Variants in LYAR observed in about 807,000 individuals in gnomAD.
The protein encoded by LYAR is Ly1 antibody reactive.
LYAR carries 37 observed loss-of-function variants against 45.2 expected under a neutral mutation model. The observed-to-expected ratio is 0.82, with a 90% CI of 0.63 to 1.08. The LOEUF (loss-of-function observed/expected upper bound fraction) is 1.08, where lower values mean the gene tolerates loss of function less well. LYAR is among the 50% of genes least tolerant of loss of function. The probability of loss-of-function intolerance (pLI) is 0.00; values close to 1 mark genes in which losing one functional copy is unlikely to be tolerated. For missense variants in LYAR, 493 were observed against 451.0 expected, an observed-to-expected ratio of 1.09 and a Z score of -0.84; for synonymous variants, 176 against 155.1, an observed-to-expected ratio of 1.14 and a Z score of -1.00.
chr4:4,274,846 C>T, intron 6 of LYAR, 77 bp from the exon 7 acceptor site: 3 of 1,383,702 alleles, frequency 2.2e-6, no homozygotes, highest in Non-Finnish European at 3.0e-6. Flanking sequence ...TTGCCTGGGC[C>T]TACTACATAA....
At chr4:4,271,644 C>T (rs1283034457) in intron 8 of LYAR, among the ~76,000 whole-genome samples, 2 of 152,186 alleles carry the variant, frequency 1.3e-5, no homozygotes, top group Admixed American at 6.6e-5. Flanking sequence ...AGTGCACCAG[C>T]GTTCCTTTTT....
Position 4,267,996 on chromosome 4 carries a change from C to T in LYAR, c.1033G>A (p.Asp345Asn). ...KVLAQYYTVT[D>N]EHHRSEEELL... Reference sequence around the variant, plus strand: ...TCCTCTTCGGATCTGTGATGCTCATCTGTCACTGTGTAGTACTGAGCTAAA... The same window carrying T: ...TCCTCTTCGGATCTGTGATGCTCATTTGTCACTGTGTAGTACTGAGCTAAA... The change falls in exon 10 of 10, where the codon GAT becomes AAT. Residue 345 changes from aspartate (D) to asparagine (N), a missense_variant. By Grantham distance (23) the Asp-to-Asn change is conservative. Transcript: ENST00000343470. 6.2e-7 allele frequency: 1 copy of T among 1,611,970 alleles called. No homozygotes were observed. Among genetic ancestry groups the T allele is most frequent in the South Asian group, 1.1e-5 (1 of 90,992 alleles).
intron 3 of LYAR, among the ~76,000 whole-genome samples, chr4:4,283,038 C>G (rs1176008204): frequency 1.3e-5 from 2 of 152,194 alleles, no homozygotes; most frequent in Non-Finnish European, 2.9e-5. Context: ...TAAACAGTGG[C>G]AATGCAATAG....
At chr4:4,283,594 G>T in intron 3 of LYAR, 27 bp downstream of exon 3, 4 of 1,600,078 alleles carry the variant, frequency 2.5e-6, no homozygotes, top group Non-Finnish European at 2.6e-6. Context: ...ATTTACTATG[G>T]ATCTACATGA....
chr4:4,277,442 A>G (rs1719227914), intron 6 of LYAR, among the ~76,000 whole-genome samples: 1 of 152,158 alleles, frequency 6.6e-6, no homozygotes, highest in African/African-American at 2.4e-5. Flanking sequence ...CTCTTTGTCT[A>G]AACCAACTCC....
In LYAR at chr4:4,279,488, G is replaced by C; in HGVS notation, c.388C>G (p.Leu130Val). 6.2e-7 allele frequency: 1 copy of C among 1,613,154 alleles called. No homozygotes were observed. The highest frequency in any genetic ancestry group is 2.2e-5 in the East Asian group (1 of 44,878). The change falls in exon 6 of 10, where the codon CTG becomes GTG. Residue 130 changes from leucine to valine, a missense_variant. Transcript: ENST00000343470. ...GAAAAGATATTCCACACCTGGTCCA[G>C]AATGGATTCATTATGAACTTTTAAA... ...NSLKVHNESI[L>V]DQVWNIFSEA...
intron 7 of LYAR, 152 bp downstream of exon 7, chr4:4,274,215 C>T (rs544216012): frequency 1.9e-5 from 17 of 872,418 alleles, no homozygotes; most frequent in East Asian, 2.5e-5. Context: ...CCAGCCTGGG[C>T]AACAGAGCAA....
Position 4,283,615 on chromosome 4 carries a change from G to T in LYAR, c.122+6C>A. Reference sequence around the variant, plus strand: ...TATGGATCTACATGAATTCTGTGAAGCTTACCAGAAATCTTTACCGCAGTC... The same window carrying T: ...TATGGATCTACATGAATTCTGTGAATCTTACCAGAAATCTTTACCGCAGTC... On this transcript the variant is annotated splice_donor_region_variant and intron_variant, in intron 3 of 9. Coordinates refer to ENST00000343470, the MANE Select transcript of LYAR (RefSeq NM_017816.3). 1 of 1,609,064 alleles carries T rather than the reference G, an allele frequency of 6.2e-7. No individual in the cohort carries two copies.
At chr4:4,276,943 G>C (rs933593271) in intron 6 of LYAR, among the ~76,000 whole-genome samples, 4 of 152,188 alleles carry the variant, frequency 2.6e-5, no homozygotes, top group Non-Finnish European at 4.4e-5. Context: ...AGGCTCATGG[G>C]GTAAAGGGCA....
At chr4:4,281,575 T>C (rs896689081) in intron 4 of LYAR, among the ~76,000 whole-genome samples, 5 of 152,228 alleles carry the variant, frequency 3.3e-5, no homozygotes, top group Non-Finnish European at 7.3e-5. Context: ...TGCCTTGGCC[T>C]CCCAAAGTGC....
intron 8 of LYAR, among the ~76,000 whole-genome samples, chr4:4,271,560 C>G (rs1718934564): frequency 6.6e-6 from 1 of 152,160 alleles, no homozygotes; most frequent in Non-Finnish European, 1.5e-5. Flanking sequence ...TGGACGGGAG[C>G]TCTATTCTTA....
chr4:4,277,736 C>G (rs1350572293), intron 6 of LYAR, among the ~76,000 whole-genome samples: 1 of 152,200 alleles, frequency 6.6e-6, no homozygotes, highest in Non-Finnish European at 1.5e-5. Flanking sequence ...TCCAACCAGC[C>G]AGGACCTTGG....
At chr4:4,279,247 T>G (rs551754408) in intron 6 of LYAR, among the ~76,000 whole-genome samples, 200 bp downstream of exon 6, 1 of 152,046 alleles carries the variant, frequency 6.6e-6, no homozygotes, top group Non-Finnish European at 1.5e-5. Flanking sequence ...ACACGAGAAT[T>G]GCTTGAACCC....
chr4:4,273,856 A>G (rs2920214), intron 7 of LYAR, among the ~76,000 whole-genome samples, 187 bp from the exon 8 acceptor site: 30,363 of 152,238 alleles, frequency 0.2, 6,394 homozygotes, highest in African/African-American at 0.53. Context: ...ATGGGATGAA[A>G]GGAGTTGAGA....
chr4:4,285,392 C>T (rs1342850426), intron 2 of LYAR, among the ~76,000 whole-genome samples: 1 of 152,098 alleles, frequency 6.6e-6, no homozygotes, highest in Non-Finnish European at 1.5e-5. Flanking sequence ...TTCCCACAAC[C>T]CAGCTCCCTC....
chr4:4,283,328 T>C (rs1195846017), intron 3 of LYAR, among the ~76,000 whole-genome samples: 2 of 152,140 alleles, frequency 1.3e-5, no homozygotes, highest in Non-Finnish European at 2.9e-5. Context: ...TTTTTGTATT[T>C]TTAGTAGAGA....
chr4:4,279,234 G>C (rs1367894192), intron 6 of LYAR, among the ~76,000 whole-genome samples: 5 of 152,084 alleles, frequency 3.3e-5, no homozygotes, highest in Admixed American at 3.3e-4. Context: ...TTGGGAGGCT[G>C]AGACACGAGA....
chr4:4,289,532 G>T (rs1719771298), intron 1 of LYAR: 1 of 152,200 alleles, frequency 6.6e-6, no homozygotes. Context: ...CCTCATCACA[G>T]TTCTCCGAGT....
chr4:4,288,767 C>T (rs952790693), intron 1 of LYAR, among the ~76,000 whole-genome samples: 3 of 152,152 alleles, frequency 2.0e-5, no homozygotes, highest in East Asian at 1.9e-4. Context: ...ATGACAGGCA[C>T]GGGCCACTGC....
Sources: gnomAD v4.1 joint callset for allele counts (sites outside exome capture counted in the v4.1 genomes callset) on GRCh38, gnomAD v4.1.1 for gene constraint, MANE v1.5 for transcripts, NCBI Gene and HGNC (gene_info 2026-07-23, HGNC 2026-07-21) for gene names.